TRAK1: variants seen among roughly 807,000 people sequenced by gnomAD.
TRAK1 encodes trafficking kinesin-binding protein 1.
Under a neutral mutation model 92.1 loss-of-function variants are expected in TRAK1, and 33 were observed. That is an observed-to-expected ratio of 0.36 (90% confidence interval 0.27 to 0.48). TRAK1 has a LOEUF of 0.48. Among genes scored for constraint, TRAK1 ranks in the 20% least tolerant of loss-of-function variants. The pLI is 0.99. For synonymous variants in TRAK1, 521 were observed against 517.3 expected, an observed-to-expected ratio of 1.01 and a Z score of -0.10; for missense variants, 1,123 against 1,257.9, an observed-to-expected ratio of 0.89 and a Z score of 1.62.
intron 1 of TRAK1, among the ~76,000 whole-genome samples, chr3:42,113,706 C>T (rs1708795122): frequency 6.6e-6 from 1 of 152,132 alleles, no homozygotes; most frequent in African/African-American, 2.4e-5. Flanking sequence ...TGAGCCACTG[C>T]ACCTGGCCAA....
chr3:42,176,492 C>T (rs1250142146), intron 2 of TRAK1, among the ~76,000 whole-genome samples: 1 of 152,214 alleles, frequency 6.6e-6, no homozygotes, highest in Non-Finnish European at 1.5e-5. Flanking sequence ...ACCCCACCTA[C>T]TTCAGTTTGC....
At chr3:42,149,229 A>T in intron 2 of TRAK1, 1 of 1,227,514 alleles carries the variant, frequency 8.1e-7, no homozygotes, top group Non-Finnish European at 1.0e-6. Context: ...GATCCTGGCT[A>T]CTCCCATTCA....
chr3:42,184,623 C>T (rs1044174998), intron 3 of TRAK1, 62 bp from the exon 4 acceptor site: 24 of 1,503,964 alleles, frequency 1.6e-5, no homozygotes, highest in Non-Finnish European at 2.1e-5. Flanking sequence ...CACTGAGCAC[C>T]ATTGACTCCT....
intron 1 of TRAK1, among the ~76,000 whole-genome samples, chr3:42,063,440 C>T (rs1366426066): frequency 6.6e-6 from 1 of 152,206 alleles, no homozygotes; most frequent in Non-Finnish European, 1.5e-5. Flanking sequence ...AATCCCAGCA[C>T]TTTGGGAGGC....
At position 42,110,432 on chromosome 3, in the gene TRAK1, G is replaced by C. The variant is rs1708231573; in HGVS notation, c.92-14988G>C. 2.0e-5 allele frequency among the ~76,000 whole-genome samples: 3 copies of C among 152,074 alleles called. No individual in the cohort carries two copies. The South Asian group carries it at 6.2e-4, about 31-fold the overall frequency. On this transcript the variant is annotated intron_variant, in intron 1 of 15. Coordinates refer to ENST00000327628, the MANE Select transcript of TRAK1 (RefSeq NM_001042646.3). ...GCTGAGGTGCTCCTCTCTGGGGATG[G>C]AGTCCTACACACAGAGCTTTTTAAG...
At chr3:42,183,553 TA>T (rs11293523) in intron 3 of TRAK1, among the ~76,000 whole-genome samples, 42,855 of 117,266 alleles carry the variant, frequency 0.37, 8,036 homozygotes, top group African/African-American at 0.53. Context: ...AGACTCTGTC[TA>T]AAAAAAAAAA....
chr3:42,215,431 A>G (rs190536435), intron 14 of TRAK1, among the ~76,000 whole-genome samples: 4 of 152,316 alleles, frequency 2.6e-5, no homozygotes, highest in Admixed American at 2.0e-4. Context: ...TGGATGGACA[A>G]TGGCTTTTAT....
At chr3:42,030,028 A>G (rs1014114422) in intron 1 of TRAK1, among the ~76,000 whole-genome samples, 1 of 152,020 alleles carries the variant, frequency 6.6e-6, no homozygotes, top group Non-Finnish European at 1.5e-5. Flanking sequence ...GGGTAGAGGG[A>G]CAGGAGCAGC....
At chr3:42,029,251 A>G (rs1233249049) in intron 1 of TRAK1, among the ~76,000 whole-genome samples, 2 of 152,166 alleles carry the variant, frequency 1.3e-5, no homozygotes, top group Non-Finnish European at 2.9e-5. Context: ...CAGAGATCCA[A>G]ACCATATCAC....
At chr3:42,018,960 A>G (rs773325302) in intron 1 of TRAK1, among the ~76,000 whole-genome samples, 2 of 152,176 alleles carry the variant, frequency 1.3e-5, no homozygotes, top group Non-Finnish European at 2.9e-5. Context: ...CGTCTCTATT[A>G]AAAATACAAA....
intron 2 of TRAK1, among the ~76,000 whole-genome samples, chr3:42,171,607 T>C (rs1176292841): frequency 6.6e-6 from 1 of 152,134 alleles, no homozygotes; most frequent in African/African-American, 2.4e-5. Context: ...CTCCCTGAGC[T>C]CTGCTCCTTC....
intron 2 of TRAK1, among the ~76,000 whole-genome samples, chr3:42,129,346 C>T (rs1038638619): frequency 7.9e-5 from 12 of 152,070 alleles, no homozygotes; most frequent in Non-Finnish European, 1.6e-4. Context: ...ATACGCTCCC[C>T]TACGTGAGAA....
Position 42,020,336 on chromosome 3 carries a change from C to T in TRAK1, c.-519+6219C>T, listed in dbSNP as rs374967711. On this transcript the variant is annotated intron_variant, in intron 1 of 16. Coordinates refer to the TRAK1 transcript ENST00000487159. ...GCCAGTAACTCCTTGTAGATAACCA[C>T]TCTTGTGACCTCTATTACCATAGGA... is the stretch of plus-strand genomic sequence containing the variant. Among the ~76,000 whole-genome samples, 3 of 152,316 alleles carry T rather than the reference C, an allele frequency of 2.0e-5. No individual in the cohort carries two copies. In the East Asian group the frequency reaches 5.8e-4, roughly 29 times the overall value.
At chr3:42,120,598 A>T (rs953519734) in intron 1 of TRAK1, among the ~76,000 whole-genome samples, 1 of 151,856 alleles carries the variant, frequency 6.6e-6, no homozygotes, top group African/African-American at 2.4e-5. Context: ...GCTGGAGTGC[A>T]GTGGTGTGAT....
intron 2 of TRAK1, among the ~76,000 whole-genome samples, chr3:42,128,933 T>G (rs1377621136): frequency 6.6e-6 from 1 of 151,866 alleles, no homozygotes; most frequent in Non-Finnish European, 1.5e-5. Flanking sequence ...TTTAGATCTT[T>G]TATTTCTTTT....
chr3:42,164,275 T>A (rs1701617650), intron 2 of TRAK1, among the ~76,000 whole-genome samples: 1 of 152,134 alleles, frequency 6.6e-6, no homozygotes, highest in Non-Finnish European at 1.5e-5. Flanking sequence ...CTAAAAGAGG[T>A]GCTTTTGGTT....
At chr3:42,149,299 C>G in intron 2 of TRAK1, 1 of 1,406,240 alleles carries the variant, frequency 7.1e-7, no homozygotes, top group Non-Finnish European at 9.2e-7. Flanking sequence ...TAGCTCTCTG[C>G]AAATTGCCTT....
intron 1 of TRAK1, among the ~76,000 whole-genome samples, chr3:42,111,616 C>T (rs563263473): frequency 2.0e-5 from 3 of 152,184 alleles, no homozygotes; most frequent in South Asian, 4.1e-4. Context: ...AGGGTGGTCT[C>T]GATATCCTGA....
intron 2 of TRAK1, among the ~76,000 whole-genome samples, chr3:42,155,519 C>CAAA (rs1700439442): frequency 1.3e-5 from 2 of 152,110 alleles, no homozygotes; most frequent in Non-Finnish European, 2.9e-5. Flanking sequence ...ATTATGTGGG[C>CAAA]AGAAGTTAGC....
Sources: gnomAD v4.1 joint callset for allele counts (sites outside exome capture counted in the v4.1 genomes callset) on GRCh38, gnomAD v4.1.1 for gene constraint, MANE v1.5 for transcripts, NCBI Gene and HGNC (gene_info 2026-07-23, HGNC 2026-07-21) for gene names.